The following DPY19L3 variants were observed in gnomAD, a reference collection of about 807,000 sequenced individuals.
The protein encoded by DPY19L3 is dpy-19 like C-mannosyltransferase 3, also known as protein C-mannosyl-transferase DPY19L3.
DPY19L3 carries 51 observed loss-of-function variants against 92.3 expected under a neutral mutation model. That is an observed-to-expected ratio of 0.55 (90% CI 0.44 to 0.70). The LOEUF is 0.70. Ranked by LOEUF, DPY19L3 falls within the 30% of genes least tolerant of loss-of-function variation. The pLI is 0.00. For synonymous variants in DPY19L3, 309 were observed against 315.2 expected, an observed-to-expected ratio of 0.98 and a Z score of 0.21; for missense variants, 706 against 855.9, an observed-to-expected ratio of 0.82 and a Z score of 2.18.
At position 32,458,373 on chromosome 19, in the gene DPY19L3, CTG is replaced by C; in HGVS notation, c.1191_1192del (p.Cys397Ter). 1.9e-6 allele frequency: 3 copies of C among 1,612,452 alleles called. No individual in the cohort carries two copies. Among genetic ancestry groups the C allele is most frequent in the Non-Finnish European group, 2.5e-6 (3 of 1,179,674 alleles). ...TAGGGATTTTGATGCAAATCTCTAT[CTG>C]TGTGAAGAAGCTTTTGGCCTCCTGC... is the stretch of plus-strand genomic sequence containing the variant. ...ATRDFDANLY[L>X]CEEAFGLLPF... On this transcript the variant is annotated frameshift_variant, in exon 12 of 19. Transcript: ENST00000392250. LOFTEE classifies it high-confidence loss of function.
intron 17 of DPY19L3, among the ~76,000 whole-genome samples, chr19:32,478,010 G>A (rs1016162238): frequency 1.3e-5 from 2 of 152,114 alleles, no homozygotes; most frequent in Non-Finnish European, 2.9e-5. Context: ...TCACTACCAC[G>A]AGAACAGCAC....
At chr19:32,436,407 G>A (rs765660577) in intron 4 of DPY19L3, 39 bp from the exon 5 acceptor site, 3 of 1,358,734 alleles carry the variant, frequency 2.2e-6, no homozygotes, top group African/African-American at 2.9e-5. Flanking sequence ...ATAATTATGA[G>A]TGTAATTATT....
At chr19:32,445,474 A>T (rs1221403479) in intron 8 of DPY19L3, among the ~76,000 whole-genome samples, 2 of 145,986 alleles carry the variant, frequency 1.4e-5, no homozygotes, top group Middle Eastern at 3.4e-3. Flanking sequence ...ATCAACCTAC[A>T]CTCCTATACC....
chr19:32,409,074 T>G (rs1248677384), intron 2 of DPY19L3, among the ~76,000 whole-genome samples: 1 of 152,206 alleles, frequency 6.6e-6, no homozygotes, highest in Non-Finnish European at 1.5e-5. Context: ...AGGGAAACAG[T>G]TTAACAAAAG....
rs1159642712 is a variant in DPY19L3, at chr19:32,458,364, A to T, written c.1177A>T (p.Asn393Tyr). 1 of 1,610,608 alleles carries T rather than the reference A, an allele frequency of 6.2e-7. No homozygotes were observed. Residue 393 changes from asparagine to tyrosine, a missense_variant, in exon 12 of 19, where the codon AAT becomes TAT. Physicochemically the swap from Asn to Tyr is moderately radical, Grantham distance 143. Transcript: ENST00000392250. ...TTTGTTCCCTAGGGATTTTGATGCA[A>T]ATCTCTATCTGTGTGAAGAAGCTTT... Reference protein sequence around the residue: ...GLGATRDFDANLYLCEEAFGL... With the variant: ...GLGATRDFDAYLYLCEEAFGL...
At chr19:32,423,439 A>T (rs1194936902) in intron 3 of DPY19L3, among the ~76,000 whole-genome samples, 3 of 56,446 alleles carry the variant, frequency 5.3e-5, no homozygotes, top group Admixed American at 1.5e-4. Flanking sequence ...TAGTAGAGAC[A>T]GGGTTTTGCC....
chr19:32,438,992 C>T, intron 6 of DPY19L3, 120 bp from the exon 7 acceptor site: 1 of 1,014,946 alleles, frequency 9.9e-7, no homozygotes, highest in South Asian at 1.7e-5. Context: ...TTATTGAGAA[C>T]CAGTGGCCAG....
chr19:32,480,929 G>GCATGGCAGGGATGGTGGGGCCCTC (rs1404576280), intron 18 of DPY19L3: 14 of 418,770 alleles, frequency 3.3e-5, no homozygotes, highest in Non-Finnish European at 8.4e-6. Flanking sequence ...GCTAGCTGCT[G>GCATGGCAGGGATGGTGGGGCCCTC]CATGGCAGGG....
chr19:32,447,821 TAGA>T (rs532006297), intron 8 of DPY19L3, among the ~76,000 whole-genome samples: 14,851 of 101,600 alleles, frequency 0.15, 871 homozygotes, highest in South Asian at 0.24. Context: ...ATAGATTAGA[TAGA>T]TAGATAGATA....
intron 2 of DPY19L3, 60 bp from the exon 3 acceptor site, chr19:32,411,179 A>G (rs576726486): frequency 2.0e-6 from 3 of 1,526,066 alleles, no homozygotes; most frequent in Non-Finnish European, 2.7e-6. Context: ...CTGAAGTAGA[A>G]CTATTACATT....
intron 3 of DPY19L3, among the ~76,000 whole-genome samples, chr19:32,428,715 T>C (rs1215647573): frequency 6.6e-6 from 1 of 152,228 alleles, no homozygotes; most frequent in Admixed American, 6.5e-5. Flanking sequence ...CTTGTCTGAG[T>C]GCCTGTGGGG....
chr19:32,426,780 T>C (rs1287286389), intron 3 of DPY19L3, among the ~76,000 whole-genome samples: 1 of 152,140 alleles, frequency 6.6e-6, no homozygotes, highest in Admixed American at 6.5e-5. Flanking sequence ...ATGTGAAATA[T>C]TGGAAGAATT....
intron 3 of DPY19L3, chr19:32,412,472 A>G (rs1381865000): frequency 6.6e-6 from 1 of 150,602 alleles, no homozygotes; most frequent in Non-Finnish European, 1.5e-5. Flanking sequence ...AAAAACAGAA[A>G]AGGAAATAAA....
intron 2 of DPY19L3, among the ~76,000 whole-genome samples, chr19:32,410,873 C>T (rs1159805374): frequency 6.6e-6 from 1 of 152,184 alleles, no homozygotes; most frequent in South Asian, 2.1e-4. Context: ...TCTAAAAGAT[C>T]GATTACGTCC....
intron 3 of DPY19L3, among the ~76,000 whole-genome samples, chr19:32,430,115 A>T (rs1463333159): frequency 6.6e-6 from 1 of 152,186 alleles, no homozygotes; most frequent in African/African-American, 2.4e-5. Flanking sequence ...AGGCCCAGGC[A>T]CTGTGGCTTC....
chr19:32,478,835 G>A (rs1970588884), intron 17 of DPY19L3, among the ~76,000 whole-genome samples: 1 of 152,154 alleles, frequency 6.6e-6, no homozygotes, highest in Non-Finnish European at 1.5e-5. Context: ...GAACAATGCT[G>A]CAGATAAACT....
intron 9 of DPY19L3, among the ~76,000 whole-genome samples, chr19:32,454,721 G>A (rs905224073): frequency 2.0e-5 from 3 of 152,108 alleles, no homozygotes; most frequent in Admixed American, 6.5e-5. Context: ...TTTCCTCATC[G>A]TATGAAGCTC....
In DPY19L3 at chr19:32,408,226, G is replaced by T. The variant is rs758064887; in HGVS notation, c.-28G>T. ...GTTTATTGCTATCTAGGAGTGATTT[G>T]GAGAACAATGCATGTAAGTCTGACA... On this transcript the variant is annotated 5_prime_UTR_variant, in exon 2 of 19. Coordinates refer to ENST00000392250, the MANE Select transcript of DPY19L3 (RefSeq NM_001172774.2). 3 of 1,541,468 alleles carry T rather than the reference G, an allele frequency of 1.9e-6. No homozygotes were observed. The East Asian group carries it at 6.7e-5, about 35-fold the overall frequency.
At chr19:32,459,796 A>G (rs1327759199) in intron 12 of DPY19L3, among the ~76,000 whole-genome samples, 1 of 152,234 alleles carries the variant, frequency 6.6e-6, no homozygotes, top group Non-Finnish European at 1.5e-5. Flanking sequence ...TCTGCCAGAT[A>G]GGGATATTAG....
Sources: allele counts gnomAD v4.1 joint callset (sites outside exome capture counted in the v4.1 genomes callset), GRCh38; gene constraint gnomAD v4.1.1; transcripts MANE v1.5; gene names NCBI Gene and HGNC (gene_info 2026-07-23, HGNC 2026-07-21).